Variants in MAML3 observed in about 807,000 individuals in gnomAD.
MAML3 encodes the protein mastermind like transcriptional coactivator 3, also known as mastermind-like protein 3.
In MAML3, 27 loss-of-function variants were observed where a neutral mutation model predicts 101.9. That is an observed-to-expected ratio of 0.27 (90% CI 0.20 to 0.37). The LOEUF is 0.37. Ranked by LOEUF, MAML3 falls within the 10% of genes least tolerant of loss-of-function variation. MAML3 has a pLI of 1.00. For synonymous variants in MAML3, 501 were observed against 555.9 expected (o/e 0.90, Z 1.39); for missense variants, 1,316 against 1,444.9 (o/e 0.91, Z 1.45).
intron 1 of MAML3, among the ~76,000 whole-genome samples, chr4:139,950,698 C>T (rs191248474): frequency 2.0e-5 from 3 of 152,312 alleles, no homozygotes; most frequent in Admixed American, 2.0e-4. Context: ...CTAAACCACA[C>T]GCCTTCTGTG....
intron 2 of MAML3, among the ~76,000 whole-genome samples, chr4:139,808,605 T>C (rs1301910658): frequency 6.6e-6 from 1 of 152,178 alleles, no homozygotes; most frequent in Non-Finnish European, 1.5e-5. Flanking sequence ...CATTATAGGA[T>C]ACACAGCAAT....
intron 1 of MAML3, among the ~76,000 whole-genome samples, chr4:139,926,709 C>T (rs556099038): frequency 4.5e-4 from 68 of 152,358 alleles, no homozygotes; most frequent in Admixed American, 4.4e-3. Flanking sequence ...TTTTGACTTA[C>T]AGAAAAGTTG....
At chr4:139,807,372 C>T (rs1730720203) in intron 2 of MAML3, among the ~76,000 whole-genome samples, 1 of 152,078 alleles carries the variant, frequency 6.6e-6, no homozygotes, top group Admixed American at 6.6e-5. Context: ...CTAACCCATA[C>T]CTGAAAGCCT....
intron 2 of MAML3, among the ~76,000 whole-genome samples, chr4:139,767,666 T>C (rs1729892575): frequency 1.3e-5 from 2 of 152,222 alleles, no homozygotes; most frequent in South Asian, 4.1e-4. Flanking sequence ...ATCCAAACTT[T>C]TAAATTTATT....
chr4:140,104,420 A>ATATATTATATATTATATAATATATT (rs1448990090), intron 1 of MAML3, among the ~76,000 whole-genome samples: 22 of 36,528 alleles, frequency 6.0e-4, no homozygotes, highest in South Asian at 3.1e-3. Flanking sequence ...TATAATATAT[A>ATATATTATATATTATATAATATATT]ATATACACGA....
intron 1 of MAML3, among the ~76,000 whole-genome samples, chr4:139,981,909 C>T (rs1282206685): frequency 6.6e-6 from 1 of 152,112 alleles, no homozygotes; most frequent in Non-Finnish European, 1.5e-5. Context: ...TGCATGATAT[C>T]GACATGATTT....
At chr4:139,921,930 G>A (rs1251216135) in intron 1 of MAML3, among the ~76,000 whole-genome samples, 1 of 152,170 alleles carries the variant, frequency 6.6e-6, no homozygotes, top group Admixed American at 6.5e-5. Flanking sequence ...TTCAGTGTGG[G>A]GAGGCAATTA....
chr4:139,922,190 C>T (rs939226264), intron 1 of MAML3, among the ~76,000 whole-genome samples: 1 of 152,076 alleles, frequency 6.6e-6, no homozygotes, highest in Non-Finnish European at 1.5e-5. Flanking sequence ...TGTCCTCCCC[C>T]TTCTGCTCCC....
intron 2 of MAML3, among the ~76,000 whole-genome samples, chr4:139,775,372 A>G (rs530299936): frequency 6.6e-6 from 1 of 152,280 alleles, no homozygotes; most frequent in South Asian, 2.1e-4. Flanking sequence ...TAACCCTTCA[A>G]TAGAGCGCAC....
intron 1 of MAML3, among the ~76,000 whole-genome samples, chr4:140,050,558 C>T (rs1489633399): frequency 7.1e-6 from 1 of 140,928 alleles, no homozygotes; most frequent in Non-Finnish European, 1.5e-5. Flanking sequence ...TTCTCCAAAG[C>T]AGCCATGTGT....
intron 2 of MAML3, among the ~76,000 whole-genome samples, chr4:139,887,588 A>G (rs1433211497): frequency 2.0e-5 from 3 of 152,236 alleles, no homozygotes; most frequent in African/African-American, 7.2e-5. Flanking sequence ...ACTTGTCCCA[A>G]GTTGGCACAT....
At chr4:140,125,312 A>G (rs1294222990) in intron 1 of MAML3, among the ~76,000 whole-genome samples, 1 of 152,228 alleles carries the variant, frequency 6.6e-6, no homozygotes, top group Non-Finnish European at 1.5e-5. Context: ...ACATGCCTGT[A>G]GTCCCAGCTA....
At chr4:139,746,197 G>A (rs1002576030) in intron 2 of MAML3, among the ~76,000 whole-genome samples, 2 of 152,086 alleles carry the variant, frequency 1.3e-5, no homozygotes. Flanking sequence ...AACAGAAATG[G>A]TATGTTATAT....
chr4:139,894,561 AAG>A (rs1025206993), intron 1 of MAML3, among the ~76,000 whole-genome samples: 10 of 149,232 alleles, frequency 6.7e-5, no homozygotes, highest in East Asian at 1.9e-4. Context: ...GAAAGAAAGA[AAG>A]AAAAGTAAAC....
At chr4:139,918,922 A>G (rs1733075332) in intron 1 of MAML3, among the ~76,000 whole-genome samples, 1 of 152,080 alleles carries the variant, frequency 6.6e-6, no homozygotes, top group Non-Finnish European at 1.5e-5. Flanking sequence ...ATTTGGATTG[A>G]CCCCCAAGAA....
chr4:140,094,378 G>T (rs1224941577), intron 1 of MAML3, among the ~76,000 whole-genome samples: 1 of 152,214 alleles, frequency 6.6e-6, no homozygotes. Context: ...AGGGGAATCT[G>T]TTCGGTGCAT....
intron 2 of MAML3, among the ~76,000 whole-genome samples, chr4:139,880,507 A>T (rs565384366): frequency 6.6e-6 from 1 of 152,218 alleles, no homozygotes; most frequent in African/African-American, 2.4e-5. Flanking sequence ...CAGAGTCATG[A>T]ACCTAAACTG....
At chr4:139,857,730 A>G (rs2604926) in intron 2 of MAML3, among the ~76,000 whole-genome samples, 119,020 of 152,164 alleles carry the variant, frequency 0.78, 46,753 homozygotes, top group South Asian at 0.83. Context: ...TGGCCCCTAG[A>G]TAGAAAATAA....
At position 139,717,045 on chromosome 4, in the gene MAML3, A is replaced by ATAT. The variant is rs1553949896; in HGVS notation, c.*2275_*2277dup. ...TCTATTTTAAACAAACAGTATATAT[A>ATAT]TATTTATATGTATATTTTTTACAGA... On this transcript the variant is annotated 3_prime_UTR_variant, in exon 5 of 5. Transcript: ENST00000509479. 6.6e-6 allele frequency: 1 copy of ATAT among 152,456 alleles called. No homozygotes were observed. The highest frequency in any genetic ancestry group is 1.5e-5 in the Non-Finnish European group (1 of 68,022). 9.4% of individuals were successfully genotyped at this position (152,456 alleles called of 1,614,324 possible). A position where few individuals can be genotyped will look rare whatever the true frequency, so the allele number is the denominator to read the frequency against.
Sources: allele counts gnomAD v4.1 joint callset (sites outside exome capture counted in the v4.1 genomes callset), GRCh38; gene constraint gnomAD v4.1.1; transcripts MANE v1.5; gene names NCBI Gene and HGNC (gene_info 2026-07-23, HGNC 2026-07-21).